Variants in ADAMTS12 observed in about 807,000 individuals in gnomAD.
The protein encoded by ADAMTS12 is A disintegrin and metalloproteinase with thrombospondin motifs 12.
ADAMTS12 carries 118 observed loss-of-function variants against 167.8 expected under a neutral mutation model. That is an observed-to-expected ratio of 0.70 (90% CI 0.61 to 0.82). The LOEUF is 0.82. Ranked by LOEUF, ADAMTS12 falls within the 40% of genes least tolerant of loss-of-function variation. ADAMTS12 has a pLI of 0.00. For synonymous variants in ADAMTS12, 704 were observed against 716.9 expected (o/e 0.98, Z 0.29); for missense variants, 1,916 against 1,998.8 (o/e 0.96, Z 0.79).
chr5:33,605,066 T>A (rs954485605), intron 16 of ADAMTS12, among the ~76,000 whole-genome samples: 1 of 152,250 alleles, frequency 6.6e-6, no homozygotes, highest in Non-Finnish European at 1.5e-5. Context: ...TCTTCAGACC[T>A]GTTTCTTGTT....
chr5:33,876,299 T>A (rs934205673), intron 2 of ADAMTS12, among the ~76,000 whole-genome samples: 1 of 152,150 alleles, frequency 6.6e-6, no homozygotes, highest in African/African-American at 2.4e-5. Flanking sequence ...ATTGTAAAAT[T>A]TATATGGAAG....
At chr5:33,891,045 C>T (rs1313912995) in intron 1 of ADAMTS12, among the ~76,000 whole-genome samples, 2 of 152,122 alleles carry the variant, frequency 1.3e-5, no homozygotes, top group African/African-American at 2.4e-5. Context: ...GACTGTTAGG[C>T]TTAAAAGAAT....
chr5:33,660,746 C>T (rs1741228734), intron 6 of ADAMTS12, among the ~76,000 whole-genome samples: 1 of 152,126 alleles, frequency 6.6e-6, no homozygotes, highest in Admixed American at 6.5e-5. Context: ...ATGCTATTTC[C>T]CAGGGGACCT....
intron 2 of ADAMTS12, among the ~76,000 whole-genome samples, chr5:33,791,995 CTTTT>C (rs746021718): frequency 3.6e-4 from 43 of 119,350 alleles, no homozygotes; most frequent in Admixed American, 4.5e-4. Context: ...TGCTTTCACA[CTTTT>C]TTTTTTTTTT....
chr5:33,587,165 A>G (rs1747400998), intron 18 of ADAMTS12, among the ~76,000 whole-genome samples: 1 of 152,166 alleles, frequency 6.6e-6, no homozygotes, highest in Non-Finnish European at 1.5e-5. Flanking sequence ...GGTTTCATCA[A>G]AGCTGCTGTA....
At position 33,846,389 on chromosome 5, in the gene ADAMTS12, A is replaced by G. The variant is rs190885620; in HGVS notation, c.489+34730T>C. 1.3e-3 allele frequency among the ~76,000 whole-genome samples: 203 copies of G among 152,350 alleles called. 1 individual carries two copies. Among genetic ancestry groups the G allele is most frequent in the African/African-American group, 4.7e-3 (195 of 41,574 alleles). On this transcript the variant is annotated intron_variant, in intron 2 of 23. Transcript: ENST00000504830. Reference sequence around the variant, plus strand: ...ATTCACTCCTTCCCTCTGTTCTCTAACCTGAAAATAAAACCAAACACTTGA... The same window carrying G: ...ATTCACTCCTTCCCTCTGTTCTCTAGCCTGAAAATAAAACCAAACACTTGA...
At chr5:33,550,949 C>T (rs1475007524) in intron 20 of ADAMTS12, among the ~76,000 whole-genome samples, 2 of 152,128 alleles carry the variant, frequency 1.3e-5, no homozygotes, top group East Asian at 3.9e-4. Flanking sequence ...CTCCAGTAAT[C>T]ATAGGATAAA....
Position 33,670,667 on chromosome 5 carries a change from G to A in ADAMTS12, c.916-8627C>T, listed in dbSNP as rs189475284. ...TGAGGCAGGAGAATTGCTTGAATCC[G>A]GGAGTCAGAGGTTGCGGTGGGCCGA... On this transcript the variant is annotated intron_variant, in intron 5 of 23. Transcript: ENST00000504830. Among the ~76,000 whole-genome samples the A allele has an allele frequency of 6.7e-4, 102 of 152,238 alleles. No homozygotes were observed. In the Middle Eastern group the frequency reaches 0.01, roughly 15 times the overall value.
intron 1 of ADAMTS12, among the ~76,000 whole-genome samples, chr5:33,882,791 A>G (rs1561327037): frequency 1.3e-5 from 2 of 152,036 alleles, no homozygotes; most frequent in Non-Finnish European, 1.5e-5. Context: ...GGGTTTCTCC[A>G]TGTTGGTCAG....
chr5:33,706,035 A>G lies in ADAMTS12; in HGVS notation c.635-21980T>C, dbSNP rs751752059. Among the ~76,000 whole-genome samples the G allele has an allele frequency of 7.3e-4, 111 of 152,314 alleles. 1 individual carries two copies. The highest frequency in any genetic ancestry group is 2.2e-3 in the Admixed American group (34 of 15,292). On this transcript the variant is annotated intron_variant, in intron 3 of 23. Transcript: ENST00000504830. ...AAATAATTAATATTGTTAAAATAAT[A>G]TGACTAACCAAAGCAATCTACAGAT...
chr5:33,835,952 T>TCCCTCTCTCCCTCTCTCCCCCTCCCC (rs1256622302), intron 2 of ADAMTS12, among the ~76,000 whole-genome samples: 2 of 26,514 alleles, frequency 7.5e-5, no homozygotes, highest in African/African-American at 2.0e-4. Flanking sequence ...TCTCTCTCTC[T>TCCCTCTCTCCCTCTCTCCCCCTCCCC]CTGTGTGTGT....
intron 2 of ADAMTS12, among the ~76,000 whole-genome samples, chr5:33,834,709 C>T (rs1748440806): frequency 6.6e-6 from 1 of 152,186 alleles, no homozygotes; most frequent in African/African-American, 2.4e-5. Context: ...GTTCCCTGGG[C>T]AGGTATGAAT....
chr5:33,639,452 A>G (rs1413013890), intron 11 of ADAMTS12, among the ~76,000 whole-genome samples: 1 of 152,162 alleles, frequency 6.6e-6, no homozygotes, highest in East Asian at 1.9e-4. Flanking sequence ...AAGCCATGGA[A>G]ATGAGGCTAG....
chr5:33,849,990 TC>T (rs1438979869), intron 2 of ADAMTS12, among the ~76,000 whole-genome samples: 1 of 152,066 alleles, frequency 6.6e-6, no homozygotes, highest in African/African-American at 2.4e-5. Context: ...ATAGTGTAAA[TC>T]CTTTTTATCT....
intron 5 of ADAMTS12, among the ~76,000 whole-genome samples, chr5:33,676,837 A>T (rs1443997747): frequency 1.3e-5 from 2 of 152,190 alleles, no homozygotes; most frequent in Admixed American, 1.3e-4. Flanking sequence ...CTGAATTTTT[A>T]AAATCAGCAG....
intron 10 of ADAMTS12, 81 bp downstream of exon 10, chr5:33,643,297 C>G: frequency 1.4e-6 from 2 of 1,414,270 alleles, no homozygotes; most frequent in Non-Finnish European, 2.0e-6. Flanking sequence ...GAGAGAGTTG[C>G]CCTCTAGGGC....
intron 22 of ADAMTS12, among the ~76,000 whole-genome samples, chr5:33,539,352 T>A (rs1744571916): frequency 6.6e-6 from 1 of 152,174 alleles, no homozygotes; most frequent in African/African-American, 2.4e-5. Context: ...TTTTGTTCCA[T>A]CAAACAGGCT....
chr5:33,855,380 C>A (rs994330590), intron 2 of ADAMTS12, among the ~76,000 whole-genome samples: 2 of 152,226 alleles, frequency 1.3e-5, no homozygotes, highest in Admixed American at 1.3e-4. Context: ...TTAACAAGTT[C>A]AAATTATTAT....
rs779484595 is a variant in ADAMTS12, at chr5:33,643,364, G to A, written c.1572+14C>T. The A allele has an allele frequency of 6.2e-7, 1 of 1,613,746 alleles. No individual in the cohort carries two copies. Among genetic ancestry groups the A allele is most frequent in the Non-Finnish European group, 8.5e-7 (1 of 1,179,744 alleles). On this transcript the variant is annotated intron_variant, in intron 10 of 23. Transcript: ENST00000504830. ...CACCGCCCTCCCACCTCATTCCTCG[G>A]CCTGACGCATCACCTTCTTCTCACC...
Sources: gnomAD v4.1 joint callset for allele counts (sites outside exome capture counted in the v4.1 genomes callset) on GRCh38, gnomAD v4.1.1 for gene constraint, MANE v1.5 for transcripts, NCBI Gene and HGNC (gene_info 2026-07-23, HGNC 2026-07-21) for gene names.